Variants in GLRA2 observed in about 807,000 individuals in gnomAD.
The protein encoded by GLRA2 is glycine receptor alpha 2, also known as glycine receptor subunit alpha-2.
In GLRA2, 11 loss-of-function variants were observed where a neutral mutation model predicts 31.6. The ratio of observed to expected loss-of-function variants is 0.35; its 90% CI spans 0.22 to 0.58. The LOEUF is 0.58. GLRA2 is among the 20% of genes least tolerant of loss of function. The probability of loss-of-function intolerance (pLI) is 0.84; values close to 1 mark genes in which losing one functional copy is unlikely to be tolerated. For synonymous variants in GLRA2, 132 were observed against 134.0 expected, an observed-to-expected ratio of 0.99 and a Z score of 0.10; for missense variants, 212 against 351.8, an observed-to-expected ratio of 0.60 and a Z score of 3.18.
At chrX:14,684,444 C>T (rs1295678618) in intron 7 of GLRA2, among the ~76,000 whole-genome samples, 2 of 111,586 alleles carry the variant, frequency 1.8e-5, no homozygotes, top group East Asian at 5.6e-4. Context: ...TCTTCCTATC[C>T]ATGAGCATGG....
intron 2 of GLRA2, among the ~76,000 whole-genome samples, chrX:14,570,462 A>G (rs994911708): frequency 9.0e-6 from 1 of 111,692 alleles, no homozygotes; most frequent in Non-Finnish European, 1.9e-5. Context: ...ACAAGTGATC[A>G]TAATTTTGAA....
chrX:14,585,978 GA>G (rs1434094983), intron 4 of GLRA2, among the ~76,000 whole-genome samples: 1 of 111,959 alleles, frequency 8.9e-6, no homozygotes, highest in African/African-American at 3.2e-5. Flanking sequence ...TTTAATCTGG[GA>G]AAAATTCCAT....
At chrX:14,587,706 A>G (rs2090095521) in intron 4 of GLRA2, among the ~76,000 whole-genome samples, 1 of 111,684 alleles carries the variant, frequency 9.0e-6, no homozygotes, top group Non-Finnish European at 1.9e-5. Context: ...TCAGATGCAT[A>G]GTTTGTGAAC....
chrX:14,608,440 A>G (rs1219271350), intron 6 of GLRA2, among the ~76,000 whole-genome samples: 1 of 111,680 alleles, frequency 9.0e-6, no homozygotes, highest in Non-Finnish European at 1.9e-5. Flanking sequence ...TTCTCTTGCC[A>G]TTAATAACAC....
At chrX:14,571,620 A>G (rs1194935133) in intron 2 of GLRA2, among the ~76,000 whole-genome samples, 1 of 111,869 alleles carries the variant, frequency 8.9e-6, no homozygotes, top group Non-Finnish European at 1.9e-5. Context: ...GGAGGTGATG[A>G]TAATTATTGA....
chrX:14,566,536 A>G (rs2089808957), intron 2 of GLRA2, among the ~76,000 whole-genome samples: 1 of 111,767 alleles, frequency 8.9e-6, no homozygotes, highest in Admixed American at 9.4e-5. Context: ...AGTGCTTGTA[A>G]TTGTATGTTG....
chrX:14,499,873 A>T, the GLRA2 span, among the ~76,000 whole-genome samples: 2,419 of 111,094 alleles, frequency 0.022, 55 homozygotes, highest in African/African-American at 0.069. Flanking sequence ...ATTTTTTTTT[A>T]AAAAAATTTA....
At chrX:14,549,727 C>G (rs1048823462) in intron 2 of GLRA2, among the ~76,000 whole-genome samples, 6 of 111,837 alleles carry the variant, frequency 5.4e-5, no homozygotes, top group Non-Finnish European at 9.4e-5. Context: ...AAATTTTAAT[C>G]TGGAGCCAAG....
the GLRA2 span, among the ~76,000 whole-genome samples, chrX:14,453,409 C>A: frequency 9.0e-6 from 1 of 111,298 alleles, no homozygotes; most frequent in Non-Finnish European, 1.9e-5. Context: ...GAATAGCCCT[C>A]CTTCCAACAC....
chrX:14,463,809 C>T, the GLRA2 span, among the ~76,000 whole-genome samples: 17 of 111,894 alleles, frequency 1.5e-4, no homozygotes. Flanking sequence ...GGGAAATCCC[C>T]TGACCCCTTG....
intron 7 of GLRA2, among the ~76,000 whole-genome samples, chrX:14,651,706 A>G (rs945793019): frequency 9.0e-6 from 1 of 111,694 alleles, no homozygotes; most frequent in African/African-American, 3.3e-5. Context: ...AAAATTGTCT[A>G]ACAACACATT....
the GLRA2 span, among the ~76,000 whole-genome samples, chrX:14,490,189 G>T: frequency 1.8e-5 from 2 of 111,978 alleles, no homozygotes; most frequent in Non-Finnish European, 3.8e-5. Context: ...AGGAAGATGG[G>T]TAGTCAGTTA....
At chrX:14,699,712 C>T (rs2147206169) in intron 8 of GLRA2, among the ~76,000 whole-genome samples, 1 of 111,697 alleles carries the variant, frequency 9.0e-6, no homozygotes, top group Admixed American at 9.5e-5. Context: ...CTAACTTCTC[C>T]TCATCTCTCC....
intron 8 of GLRA2, among the ~76,000 whole-genome samples, chrX:14,707,777 C>T (rs867155990): frequency 2.0e-5 from 2 of 98,290 alleles, no homozygotes; most frequent in Admixed American, 1.1e-4. Flanking sequence ...TGTGTGTGCA[C>T]GCGCGCGTGT....
intron 4 of GLRA2, among the ~76,000 whole-genome samples, chrX:14,595,194 A>G (rs1362072244): frequency 9.0e-6 from 1 of 111,580 alleles, no homozygotes; most frequent in Non-Finnish European, 1.9e-5. Flanking sequence ...GAATCTATCA[A>G]TTTATTTACA....
At chrX:14,538,060 G>A (rs1403530777) in intron 2 of GLRA2, among the ~76,000 whole-genome samples, 1 of 108,751 alleles carries the variant, frequency 9.2e-6, no homozygotes, top group African/African-American at 3.3e-5. Context: ...GATTTGAAGT[G>A]GCATCAAGAG....
chrX:14,572,168 A>G (rs944714476), intron 2 of GLRA2, among the ~76,000 whole-genome samples: 1 of 112,380 alleles, frequency 8.9e-6, no homozygotes. Flanking sequence ...ACTTATCAGG[A>G]AAGATAAAAA....
chrX:14,644,880 G>C (rs1398822302), intron 7 of GLRA2, among the ~76,000 whole-genome samples: 1 of 111,814 alleles, frequency 8.9e-6, no homozygotes, highest in Non-Finnish European at 1.9e-5. Context: ...TTTGATAAAA[G>C]CAATTTCTTT....
intron 7 of GLRA2, among the ~76,000 whole-genome samples, chrX:14,628,897 C>G (rs961247083): frequency 7.2e-5 from 8 of 111,177 alleles, no homozygotes; most frequent in Non-Finnish European, 1.3e-4. Flanking sequence ...AAGGGCTGCA[C>G]TGATTACTGT....
Sources: allele counts gnomAD v4.1 joint callset (sites outside exome capture counted in the v4.1 genomes callset), GRCh38; gene constraint gnomAD v4.1.1; transcripts MANE v1.5; gene names NCBI Gene and HGNC (gene_info 2026-07-23, HGNC 2026-07-21).